The following ANXA10 variants were observed in gnomAD, a reference collection of about 807,000 sequenced individuals.
ANXA10 encodes the protein annexin 14.
In ANXA10, 49 loss-of-function variants were observed where a neutral mutation model predicts 53.5. That is an observed-to-expected ratio of 0.92 (90% CI 0.73 to 1.16). The LOEUF is 1.16. ANXA10 is among the 50% of genes most tolerant of loss of function. The probability of loss-of-function intolerance (pLI) is 0.00; values close to 1 mark genes in which losing one functional copy is unlikely to be tolerated. For missense variants in ANXA10, 393 were observed against 394.4 expected, an observed-to-expected ratio of 1.00 and a Z score of 0.03; for synonymous variants, 131 against 128.9, an observed-to-expected ratio of 1.02 and a Z score of -0.11.
intron 6 of ANXA10, among the ~76,000 whole-genome samples, chr4:168,172,283 A>G (rs1243151067): frequency 2.0e-5 from 3 of 152,226 alleles, no homozygotes; most frequent in African/African-American, 7.2e-5. Context: ...AATTAGCTGC[A>G]TAGGAAAATA....
rs1381476953 is a variant in ANXA10 at position 168,139,474 on chromosome 4, A to G, written c.101-12A>G. 1 of 1,607,832 alleles carries G rather than the reference A, an allele frequency of 6.2e-7. No homozygotes were observed. The highest frequency in any genetic ancestry group is 8.5e-7 in the Non-Finnish European group (1 of 1,175,384). On this transcript the variant is annotated splice_polypyrimidine_tract_variant and intron_variant, in intron 2 of 11. Transcript: ENST00000359299. ...GCAACTTTACTAATCTTCAAATATT[A>G]TTCTTTTCCAGACTGTGACAAAGAC...
intron 11 of ANXA10, 36 bp from the exon 12 acceptor site, chr4:168,187,328 GAT>G (rs767249352): frequency 7.5e-7 from 1 of 1,337,304 alleles, no homozygotes; most frequent in Non-Finnish European, 1.0e-6. Context: ...GAACTATTAT[GAT>G]ATTTTATTTC....
chr4:168,093,726 CAT>C (rs1455969354), intron 1 of ANXA10, among the ~76,000 whole-genome samples: 1 of 152,098 alleles, frequency 6.6e-6, no homozygotes, highest in Non-Finnish European at 1.5e-5. Flanking sequence ...AAAATTATAA[CAT>C]AATTATTTTG....
rs1730721955 is a variant in ANXA10 at position 168,106,513 on chromosome 4, T to C, written c.18+13795T>C. On this transcript the variant is annotated intron_variant, in intron 1 of 11. Coordinates refer to ENST00000359299, the MANE Select transcript of ANXA10 (RefSeq NM_007193.5). ...TGCTAAAGAAGAGAAATAGAATGAA[T>C]GATAATTACTATTAATTGAAATACA... is the stretch of plus-strand genomic sequence containing the variant. 2.0e-5 allele frequency among the ~76,000 whole-genome samples: 3 copies of C among 152,216 alleles called. No individual in the cohort carries two copies. The East Asian group carries it at 5.8e-4, about 29-fold the overall frequency.
intron 1 of ANXA10, among the ~76,000 whole-genome samples, chr4:168,109,801 C>G (rs1287427826): frequency 6.6e-6 from 1 of 152,164 alleles, no homozygotes; most frequent in Admixed American, 6.6e-5. Context: ...AAACTAGGTA[C>G]TCCTGAGAAA....
intron 2 of ANXA10, among the ~76,000 whole-genome samples, chr4:168,135,146 A>C (rs1252195566): frequency 6.6e-6 from 1 of 152,228 alleles, no homozygotes; most frequent in African/African-American, 2.4e-5. Context: ...AACAAAGGCA[A>C]GAGAGTTTTT....
At chr4:168,107,356 C>A (rs10002781) in intron 1 of ANXA10, among the ~76,000 whole-genome samples, 7,387 of 152,146 alleles carry the variant, frequency 0.049, 585 homozygotes, top group African/African-American at 0.17. Context: ...TTGCTAATTT[C>A]ACTTTCCAAT....
Position 168,177,991 on chromosome 4 carries a change from T to G in ANXA10, c.628+8T>G. ...ACCAGCAGCTGCGGCTGGGTAATTA[T>G]TAACTGGGTTTCGTTCCAGCTACTT... On this transcript the variant is annotated splice_region_variant and intron_variant, in intron 8 of 11. Transcript: ENST00000359299. 6.2e-7 allele frequency: 1 copy of G among 1,612,378 alleles called. No individual in the cohort carries two copies. Among genetic ancestry groups the G allele is most frequent in the South Asian group, 1.1e-5 (1 of 90,956 alleles).
intron 3 of ANXA10, among the ~76,000 whole-genome samples, chr4:168,158,355 G>A (rs1731724496): frequency 1.3e-5 from 2 of 152,172 alleles, no homozygotes; most frequent in Admixed American, 6.5e-5. Flanking sequence ...TGTCAAATAT[G>A]TGAAGTGACA....
At chr4:168,162,280 A>G (rs1382966819) in intron 3 of ANXA10, among the ~76,000 whole-genome samples, 2 of 152,162 alleles carry the variant, frequency 1.3e-5, no homozygotes, top group Non-Finnish European at 2.9e-5. Flanking sequence ...GGGTCAGAAA[A>G]AGAAAATCAT....
At chr4:168,157,324 G>T (rs1269376023) in intron 3 of ANXA10, among the ~76,000 whole-genome samples, 4 of 151,916 alleles carry the variant, frequency 2.6e-5, no homozygotes, top group Admixed American at 1.3e-4. Context: ...CTGGAGTGCA[G>T]TGGCATGATC....
intron 1 of ANXA10, among the ~76,000 whole-genome samples, chr4:168,098,482 A>G (rs181325007): frequency 1.8e-4 from 27 of 152,258 alleles, no homozygotes; most frequent in Admixed American, 1.3e-3. Context: ...ATTATTTGTA[A>G]TCAGAAGTAG....
chr4:168,162,610 A>G lies in ANXA10; in HGVS notation c.278A>G (p.Tyr93Cys), dbSNP rs775305529. The G allele has an allele frequency of 2.5e-6, 4 of 1,613,922 alleles. No homozygotes were observed. Among genetic ancestry groups the G allele is most frequent in the South Asian group, 2.2e-5 (2 of 91,082 alleles). The change falls in exon 4 of 12, where the codon TAT (tyrosine) becomes TGT (cysteine). Residue 93 changes from tyrosine (Y) to cysteine (C), a missense_variant. Tyr to Cys is a radical substitution (Grantham distance 194). Coordinates refer to ENST00000359299, the MANE Select transcript of ANXA10 (RefSeq NM_007193.5). Reference sequence around the variant, plus strand: ...GGCCTCATGTACCCACCACCACTGTATGATGCTCATGAGCTCTGGCATGCC... The same window carrying G: ...GGCCTCATGTACCCACCACCACTGTGTGATGCTCATGAGCTCTGGCATGCC... Reference protein sequence around the residue: ...MAGLMYPPPLYDAHELWHAMK... With the variant: ...MAGLMYPPPLCDAHELWHAMK...
chr4:168,182,981 C>T (rs1732286846), intron 10 of ANXA10, among the ~76,000 whole-genome samples: 1 of 117,926 alleles, frequency 8.5e-6, no homozygotes, highest in South Asian at 2.3e-4. Context: ...TGCACTCCGG[C>T]CTGGCGACAG....
chr4:168,185,078 C>T lies in ANXA10; in HGVS notation c.906+397C>T, dbSNP rs749119589. On this transcript the variant is annotated intron_variant, in intron 11 of 11. Transcript: ENST00000359299. ...CTGAGGCAGGAGAATCGCTTGAACC[C>T]GGGAGGCGGAGCTTGCAGTGAGCTG... Among the ~76,000 whole-genome samples, 78 of 152,146 alleles carry T rather than the reference C, an allele frequency of 5.1e-4. 1 individual carries two copies. The highest frequency in any genetic ancestry group is 1.6e-3 in the African/African-American group (66 of 41,522).
chr4:168,124,345 A>T (rs138589832), intron 1 of ANXA10, among the ~76,000 whole-genome samples: 1 of 152,220 alleles, frequency 6.6e-6, no homozygotes, highest in Non-Finnish European at 1.5e-5. Context: ...ACAATGACAC[A>T]GAAGTTCCTT....
At chr4:168,109,850 G>C (rs929462768) in intron 1 of ANXA10, among the ~76,000 whole-genome samples, 1 of 152,138 alleles carries the variant, frequency 6.6e-6, no homozygotes, top group African/African-American at 2.4e-5. Flanking sequence ...AAGCATTTTA[G>C]CTATAGTCAG....
intron 1 of ANXA10, among the ~76,000 whole-genome samples, chr4:168,127,332 T>C (rs1167227544): frequency 2.0e-5 from 3 of 152,164 alleles, no homozygotes; most frequent in Non-Finnish European, 4.4e-5. Flanking sequence ...GAGCTTTGGT[T>C]AGATAATCTC....
rs1262002117 is a variant in ANXA10 at position 168,114,985 on chromosome 4, T to G, written c.19-13099T>G. Among the ~76,000 whole-genome samples the G allele has an allele frequency of 2.0e-5, 3 of 152,192 alleles. No individual in the cohort carries two copies. The East Asian group carries it at 5.8e-4, about 29-fold the overall frequency. On this transcript the variant is annotated intron_variant, in intron 1 of 11. Transcript: ENST00000359299. ...TCACCACAACCTCTGCCTCCAGGGC[T>G]CAAAAATCCTCCCATCTCAGCCTCC...
Sources: gnomAD v4.1 joint callset for allele counts (sites outside exome capture counted in the v4.1 genomes callset) on GRCh38, gnomAD v4.1.1 for gene constraint, MANE v1.5 for transcripts, NCBI Gene and HGNC (gene_info 2026-07-23, HGNC 2026-07-21) for gene names.